ZNF367: variants seen among roughly 807,000 people sequenced by gnomAD.
ZNF367 encodes zinc finger protein 367, also known as C2H2 zinc finger protein ZFF29.
A neutral mutation model predicts 31.8 loss-of-function variants in ZNF367; 11 were observed. That is an observed-to-expected ratio of 0.35 (90% confidence interval 0.22 to 0.57). The LOEUF is 0.57. Among genes scored for constraint, ZNF367 ranks in the 20% least tolerant of loss-of-function variants. The pLI is 0.85. For missense variants in ZNF367, 353 were observed against 484.1 expected, an observed-to-expected ratio of 0.73 and a Z score of 2.54; for synonymous variants, 199 against 202.4, an observed-to-expected ratio of 0.98 and a Z score of 0.14.
intron 1 of ZNF367, among the ~76,000 whole-genome samples, chr9:96,411,433 GGAGGCTGAGGTGGGAGGATCACTT>G (rs903003517): frequency 2.0e-5 from 3 of 151,798 alleles, no homozygotes; most frequent in Admixed American, 6.6e-5. Context: ...CAGCTACTCA[GGAGGCTGAGGTGGGAGGATCACTT>G]GAGGCTGAGG....
chr9:96,397,153 T>A (rs1831542706), intron 2 of ZNF367, among the ~76,000 whole-genome samples: 1 of 152,156 alleles, frequency 6.6e-6, no homozygotes, highest in Non-Finnish European at 1.5e-5. Flanking sequence ...GGCTACTGTA[T>A]GGGGCAGTGT....
intron 1 of ZNF367, among the ~76,000 whole-genome samples, chr9:96,416,470 T>C (rs1831832568): frequency 6.6e-6 from 1 of 152,188 alleles, no homozygotes; most frequent in Admixed American, 6.5e-5. Context: ...AACCTTATAA[T>C]TATTTAATAA....
At chr9:96,388,505 T>C in intron 4 of ZNF367, 46 bp from the exon 5 acceptor site, 1 of 1,534,694 alleles carries the variant, frequency 6.5e-7, no homozygotes, top group Non-Finnish European at 8.8e-7. Flanking sequence ...ACATGAAATT[T>C]CCAAATGTTT....
intron 1 of ZNF367, among the ~76,000 whole-genome samples, chr9:96,414,101 T>C (rs557292129): frequency 6.6e-6 from 1 of 152,348 alleles, no homozygotes; most frequent in East Asian, 1.9e-4. Context: ...ATCTTTGTAG[T>C]TCAGTGTACT....
At chr9:96,390,272 C>T (rs915672326) in intron 4 of ZNF367, among the ~76,000 whole-genome samples, 2 of 151,762 alleles carry the variant, frequency 1.3e-5, no homozygotes, top group Non-Finnish European at 2.9e-5. Flanking sequence ...TCAGGAAATC[C>T]AGACTACTTA....
chr9:96,392,221 C>G (rs1398281511), intron 4 of ZNF367, 177 bp downstream of exon 4: 11 of 833,528 alleles, frequency 1.3e-5, no homozygotes, highest in Non-Finnish European at 1.5e-5. Flanking sequence ...ACACACAGAT[C>G]CTAAGATCCT....
chr9:96,406,476 T>C (rs1369759891), intron 1 of ZNF367, among the ~76,000 whole-genome samples: 1 of 152,240 alleles, frequency 6.6e-6, no homozygotes, highest in Non-Finnish European at 1.5e-5. Flanking sequence ...AATGACCTGA[T>C]TTCAGTCTTA....
intron 1 of ZNF367, among the ~76,000 whole-genome samples, chr9:96,411,137 T>C (rs1390152477): frequency 6.6e-6 from 1 of 151,378 alleles, no homozygotes; most frequent in Non-Finnish European, 1.5e-5. Context: ...TGAGCCATGA[T>C]TGCGCCACTG....
chr9:96,402,392 G>C (rs72745870), intron 1 of ZNF367, among the ~76,000 whole-genome samples: 17,460 of 148,720 alleles, frequency 0.12, 1,297 homozygotes, highest in East Asian at 0.2. Context: ...AGGAGAAATA[G>C]TTCAAAAACA....
chr9:96,407,128 T>G (rs986642860), intron 1 of ZNF367, among the ~76,000 whole-genome samples: 4 of 150,972 alleles, frequency 2.6e-5, no homozygotes, highest in Non-Finnish European at 5.9e-5. Context: ...GAGACCAACC[T>G]GGGCAACATA....
intron 1 of ZNF367, among the ~76,000 whole-genome samples, chr9:96,414,779 G>C (rs1831796620): frequency 6.6e-6 from 1 of 152,146 alleles, no homozygotes; most frequent in South Asian, 2.1e-4. Flanking sequence ...CCTGGCCACA[G>C]TTAGCAATTT....
rs11438398 is a variant in ZNF367, at chr9:96,389,302, GA to G, written c.831-844del. On this transcript the variant is annotated intron_variant, in intron 4 of 4. Coordinates refer to ENST00000375256, the MANE Select transcript of ZNF367 (RefSeq NM_153695.4). The stretch of plus-strand genomic sequence containing the variant: ...GTGACAGAGCGAGACTCCGTTTCAA[GA>G]AAAAAAAAAAAAAGAAAAATGCATT... 4.9e-3 allele frequency among the ~76,000 whole-genome samples: 545 copies of G among 112,024 alleles called. 1 individual carries two copies. The highest frequency in any genetic ancestry group is 0.011 in the African/African-American group (364 of 34,424). The allele number at this position is 112,024 out of a possible 152,430, so 73.5% of individuals were successfully genotyped here. A position where few individuals can be genotyped will look rare whatever the true frequency, so the allele number is the denominator to read the frequency against.
At chr9:96,407,094 A>T (rs1259590769) in intron 1 of ZNF367, among the ~76,000 whole-genome samples, 1 of 150,888 alleles carries the variant, frequency 6.6e-6, no homozygotes, top group Non-Finnish European at 1.5e-5. Context: ...CTGAGGTGAT[A>T]GGGTCGCTTG....
chr9:96,388,639 T>C (rs1423906092), intron 4 of ZNF367, among the ~76,000 whole-genome samples, 180 bp from the exon 5 acceptor site: 1 of 152,202 alleles, frequency 6.6e-6, no homozygotes, highest in African/African-American at 2.4e-5. Context: ...TCAACGAGGT[T>C]AAGAGACGTG....
intron 4 of ZNF367, among the ~76,000 whole-genome samples, chr9:96,389,816 G>A (rs1035539875): frequency 1.3e-5 from 2 of 151,406 alleles, no homozygotes; most frequent in African/African-American, 2.4e-5. Context: ...TGCAACCTTC[G>A]CCTCCTGGGT....
intron 4 of ZNF367, among the ~76,000 whole-genome samples, chr9:96,389,357 C>T (rs1445917128): frequency 6.7e-6 from 1 of 149,882 alleles, no homozygotes; most frequent in African/African-American, 2.5e-5. Flanking sequence ...TCATACAAAA[C>T]TGTCCATACA....
At chr9:96,412,196 T>C (rs1224146979) in intron 1 of ZNF367, among the ~76,000 whole-genome samples, 3 of 152,174 alleles carry the variant, frequency 2.0e-5, no homozygotes, top group Non-Finnish European at 4.4e-5. Flanking sequence ...AGTGTTACAC[T>C]CAGCAGCCAA....
chr9:96,410,124 G>A (rs1246079488), intron 1 of ZNF367, among the ~76,000 whole-genome samples: 2 of 151,680 alleles, frequency 1.3e-5, no homozygotes, highest in African/African-American at 2.4e-5. Context: ...TTAGCTGGGC[G>A]CAGTGGCGGG....
At chr9:96,388,724 A>G (rs996321240) in intron 4 of ZNF367, among the ~76,000 whole-genome samples, 2 of 152,236 alleles carry the variant, frequency 1.3e-5, no homozygotes, top group African/African-American at 2.4e-5. Flanking sequence ...CCATTAAACT[A>G]TCACCGCCTT....
Sources: gnomAD v4.1 joint callset for allele counts (sites outside exome capture counted in the v4.1 genomes callset) on GRCh38, gnomAD v4.1.1 for gene constraint, MANE v1.5 for transcripts, NCBI Gene and HGNC (gene_info 2026-07-23, HGNC 2026-07-21) for gene names.